DLG2: variants seen among roughly 807,000 people sequenced by gnomAD.
DLG2 encodes the protein discs large MAGUK scaffold protein 2.
DLG2 carries 45 observed loss-of-function variants against 132.5 expected under a neutral mutation model. The observed-to-expected ratio is 0.34, with a 90% CI of 0.27 to 0.44. DLG2 has a LOEUF of 0.44. Ranked by LOEUF, DLG2 falls within the 20% of genes least tolerant of loss-of-function variation. The probability of loss-of-function intolerance (pLI) is 1.00; values close to 1 mark genes in which losing one functional copy is unlikely to be tolerated. For missense variants in DLG2, 1,045 were observed against 1,196.9 expected (o/e 0.87, Z 1.87); for synonymous variants, 424 against 419.6 (o/e 1.01, Z -0.13).
chr11:84,437,708 C>T (rs2099005128), intron 7 of DLG2: 1 of 152,318 alleles, frequency 6.6e-6, no homozygotes, highest in Non-Finnish European at 1.5e-5. Flanking sequence ...CCGGGTGAGG[C>T]AGGCGCTGCC....
At chr11:83,574,771 G>C (rs774675792) in intron 19 of DLG2, among the ~76,000 whole-genome samples, 7 of 152,152 alleles carry the variant, frequency 4.6e-5, no homozygotes, top group Non-Finnish European at 8.8e-5. Flanking sequence ...GGATCAGGAG[G>C]TTGTCTAAAA....
intron 17 of DLG2, among the ~76,000 whole-genome samples, chr11:83,814,057 G>C (rs1449743272): frequency 6.6e-6 from 1 of 151,886 alleles, no homozygotes; most frequent in Non-Finnish European, 1.5e-5. Flanking sequence ...CTTCTAAAAA[G>C]AGTATGTAAA....
intron 18 of DLG2, among the ~76,000 whole-genome samples, chr11:83,696,143 G>C (rs1043512942): frequency 6.6e-6 from 1 of 152,142 alleles, no homozygotes; most frequent in African/African-American, 2.4e-5. Flanking sequence ...TGGGAGCATA[G>C]AGAACAGTTA....
At chr11:84,598,067 G>A (rs1416339813) in intron 6 of DLG2, among the ~76,000 whole-genome samples, 18 of 152,164 alleles carry the variant, frequency 1.2e-4, no homozygotes. Flanking sequence ...GCTTTATTAA[G>A]ATATCCAAAG....
intron 3 of DLG2, among the ~76,000 whole-genome samples, chr11:85,416,205 G>A (rs1041989648): frequency 6.6e-5 from 10 of 150,470 alleles, no homozygotes; most frequent in African/African-American, 2.5e-4. Flanking sequence ...TATTTCTGAG[G>A]CTTCTGTTCT....
intron 21 of DLG2, among the ~76,000 whole-genome samples, chr11:83,520,558 GCTA>G: frequency 6.6e-6 from 1 of 152,076 alleles, no homozygotes; most frequent in Non-Finnish European, 1.5e-5. Flanking sequence ...TAGAAAGATA[GCTA>G]ACTAGCTAGG....
intron 6 of DLG2, among the ~76,000 whole-genome samples, chr11:84,952,487 C>T (rs969365819): frequency 6.6e-6 from 1 of 151,718 alleles, no homozygotes; most frequent in East Asian, 1.9e-4. Context: ...ACAGCACTCC[C>T]GCCTGGGCGA....
intron 6 of DLG2, among the ~76,000 whole-genome samples, chr11:84,740,558 A>G (rs1323001752): frequency 6.6e-6 from 1 of 152,056 alleles, no homozygotes; most frequent in Non-Finnish European, 1.5e-5. Context: ...CCGCCTCTGG[A>G]GTGCATCCTC....
intron 6 of DLG2, among the ~76,000 whole-genome samples, chr11:84,701,531 C>T (rs1319598831): frequency 6.6e-6 from 1 of 151,608 alleles, no homozygotes; most frequent in African/African-American, 2.4e-5. Context: ...TCTTGTGGGA[C>T]ATGTGTCCTT....
rs575630088 is a variant in DLG2, at chr11:84,581,860, T to C, written c.358-47129A>G. On this transcript the variant is annotated intron_variant, in intron 6 of 27. Transcript: ENST00000376104. The stretch of plus-strand genomic sequence containing the variant: ...AGGCGGAGGTTGCAGTCAGCCGAGA[T>C]TGCCTCATTGCACTCTAGCCTGGCG... Among the ~76,000 whole-genome samples, 9 of 148,880 alleles carry C rather than the reference T, an allele frequency of 6.0e-5. No individual in the cohort carries two copies. The South Asian group carries it at 1.1e-3, about 18-fold the overall frequency.
chr11:85,421,124 T>C (rs1030172337), intron 3 of DLG2, among the ~76,000 whole-genome samples: 1 of 152,196 alleles, frequency 6.6e-6, no homozygotes, highest in African/African-American at 2.4e-5. Flanking sequence ...TCCTGTTTTG[T>C]GGGTTGTGAA....
At chr11:85,092,922 T>G (rs2069031788) in intron 6 of DLG2, among the ~76,000 whole-genome samples, 1 of 152,182 alleles carries the variant, frequency 6.6e-6, no homozygotes, top group Non-Finnish European at 1.5e-5. Context: ...ATTACAGGCG[T>G]GCACCACTAC....
At position 83,541,744 on chromosome 11, in the gene DLG2, T is replaced by C. The variant is rs1281597402; in HGVS notation, c.2055A>G (p.Gln685=). 1.2e-6 allele frequency: 2 copies of C among 1,613,274 alleles called. No individual in the cohort carries two copies. The highest frequency in any genetic ancestry group is 1.3e-5 in the African/African-American group (1 of 74,868). ...VINASDDEWW[Q]ARRVMLEGDS... is the part of the protein sequence containing the mutation. ...CTCCCTCCAGCATGACTCTCCTGGC[T>C]TGCCACCACTCATCATCAGAGGCAT... is the stretch of plus-strand genomic sequence containing the variant. The change falls in exon 20 of 28, where the codon CAA becomes CAG. Residue 685 remains glutamine, a synonymous_variant. Coordinates refer to ENST00000376104, the MANE Select transcript of DLG2 (RefSeq NM_001142699.3).
intron 3 of DLG2, among the ~76,000 whole-genome samples, chr11:85,462,955 C>A (rs2092665117): frequency 6.6e-6 from 1 of 152,178 alleles, no homozygotes; most frequent in Non-Finnish European, 1.5e-5. Flanking sequence ...CAAGCTGTAT[C>A]TCTCTTCACA....
At chr11:84,726,079 T>C (rs760814324) in intron 6 of DLG2, among the ~76,000 whole-genome samples, 5 of 152,076 alleles carry the variant, frequency 3.3e-5, no homozygotes, top group Admixed American at 1.3e-4. Context: ...ATGCATCATG[T>C]TCCCCCATAA....
chr11:84,145,497 T>C (rs2095044470), intron 9 of DLG2, among the ~76,000 whole-genome samples: 1 of 152,224 alleles, frequency 6.6e-6, no homozygotes, highest in South Asian at 2.1e-4. Flanking sequence ...TATAATCTTA[T>C]GGGACCACTG....
intron 11 of DLG2, among the ~76,000 whole-genome samples, chr11:84,038,052 G>A (rs192997833): frequency 5.9e-5 from 9 of 151,902 alleles, no homozygotes; most frequent in Admixed American, 2.0e-4. Context: ...GTTTGTGGTA[G>A]ATTATTTCAT....
intron 8 of DLG2, among the ~76,000 whole-genome samples, chr11:84,229,998 C>A (rs1486168611): frequency 6.6e-6 from 1 of 152,090 alleles, no homozygotes; most frequent in Non-Finnish European, 1.5e-5. Context: ...ATGTTTAATT[C>A]AGCACAATAA....
intron 9 of DLG2, among the ~76,000 whole-genome samples, chr11:84,137,630 T>C (rs1046715730): frequency 2.0e-5 from 3 of 152,152 alleles, no homozygotes; most frequent in Non-Finnish European, 4.4e-5. Context: ...CTGCTCTATA[T>C]GGGGCACTCA....
Sources: gnomAD v4.1 joint callset for allele counts (sites outside exome capture counted in the v4.1 genomes callset) on GRCh38, gnomAD v4.1.1 for gene constraint, MANE v1.5 for transcripts, NCBI Gene and HGNC (gene_info 2026-07-23, HGNC 2026-07-21) for gene names.